Variants in RNLS observed in about 807,000 individuals in gnomAD.
RNLS encodes the protein renalase, FAD dependent amine oxidase, also known as renalase.
In RNLS, 39 loss-of-function variants were observed where a neutral mutation model predicts 39.8. The ratio of observed to expected loss-of-function variants is 0.98; its 90% CI spans 0.76 to 1.28. The LOEUF (loss-of-function observed/expected upper bound fraction) is 1.28. Ranked by LOEUF, RNLS falls within the 50% of genes most tolerant of loss-of-function variation. The pLI is 0.00. For synonymous variants in RNLS, 147 were observed against 150.7 expected, an observed-to-expected ratio of 0.98 and a Z score of 0.18; for missense variants, 410 against 413.3, an observed-to-expected ratio of 0.99 and a Z score of 0.07.
Position 88,583,268 on chromosome 10 carries a change from A to C in RNLS, c.-78T>G. On this transcript the variant is annotated 5_prime_UTR_variant, in exon 1 of 7. Transcript: ENST00000331772. ...CCGGGCTTTCTGGAAAGGCGGCCGA[A>C]CCGGCGCTAGCGCTCTTTGGTTCCG... The C allele has an allele frequency of 6.3e-7, 1 of 1,578,666 alleles. No homozygotes were observed. The highest frequency in any genetic ancestry group is 1.2e-5 in the South Asian group (1 of 86,592).
At chr10:88,444,448 G>A (rs549782353) in intron 4 of RNLS, among the ~76,000 whole-genome samples, 6 of 152,322 alleles carry the variant, frequency 3.9e-5, no homozygotes, top group African/African-American at 1.4e-4. Context: ...CTCCTCACCA[G>A]CAACAGAACA....
intron 6 of RNLS, among the ~76,000 whole-genome samples, chr10:88,293,331 C>T (rs78485719): frequency 0.02 from 3,044 of 152,286 alleles, 56 homozygotes; most frequent in South Asian, 0.068. Context: ...TTTCTCTACT[C>T]TGCTGCCATT....
intron 4 of RNLS, among the ~76,000 whole-genome samples, chr10:88,453,105 C>G (rs1031076414): frequency 1.3e-5 from 2 of 152,192 alleles, no homozygotes; most frequent in Non-Finnish European, 2.9e-5. Flanking sequence ...GCTCATCTCA[C>G]TAATCCACCT....
intron 4 of RNLS, among the ~76,000 whole-genome samples, chr10:88,379,926 C>G (rs530916620): frequency 1.1e-3 from 170 of 152,282 alleles, no homozygotes; most frequent in African/African-American, 3.5e-3. Flanking sequence ...TATCAGCCCC[C>G]CGCTGTCCAG....
chr10:88,218,347 T>C, the RNLS span, among the ~76,000 whole-genome samples: 7 of 152,252 alleles, frequency 4.6e-5, no homozygotes, highest in Non-Finnish European at 4.4e-5. Flanking sequence ...AGGCTAGGTC[T>C]CGGATGGTCT....
chr10:88,191,302 C>T, the RNLS span, among the ~76,000 whole-genome samples: 915 of 152,300 alleles, frequency 6.0e-3, 11 homozygotes, highest in African/African-American at 0.021. Flanking sequence ...TAAGGAATTA[C>T]AGCCTGTACT....
chr10:88,528,617 G>A (rs1035556418), intron 4 of RNLS, among the ~76,000 whole-genome samples: 6 of 151,952 alleles, frequency 3.9e-5, no homozygotes, highest in African/African-American at 1.2e-4. Flanking sequence ...AGGCCGAGGC[G>A]GGCGGATCAC....
At chr10:88,546,308 G>C (rs2134309409) in intron 4 of RNLS, among the ~76,000 whole-genome samples, 1 of 151,980 alleles carries the variant, frequency 6.6e-6, no homozygotes, top group East Asian at 1.9e-4. Flanking sequence ...AAATGTAAGA[G>C]TATTGTGGCA....
chr10:88,382,105 C>G (rs2133523504), intron 4 of RNLS, among the ~76,000 whole-genome samples: 1 of 152,202 alleles, frequency 6.6e-6, no homozygotes, highest in Admixed American at 6.5e-5. Context: ...GCTGGGTACA[C>G]TACAAATCAT....
At chr10:88,173,788 T>C in the RNLS span, among the ~76,000 whole-genome samples, 1 of 152,114 alleles carries the variant, frequency 6.6e-6, no homozygotes, top group Non-Finnish European at 1.5e-5. Flanking sequence ...ACCAAATTGG[T>C]CTTTTTTTAA....
chr10:88,249,921 A>G, the RNLS span, among the ~76,000 whole-genome samples: 1 of 152,168 alleles, frequency 6.6e-6, no homozygotes, highest in African/African-American at 2.4e-5. Flanking sequence ...GAGTGTCAAA[A>G]TTTCTGGGGT....
the RNLS span, among the ~76,000 whole-genome samples, chr10:88,173,678 C>A: frequency 6.6e-6 from 1 of 152,056 alleles, no homozygotes; most frequent in Non-Finnish European, 1.5e-5. Context: ...TTTTAGACTC[C>A]TTTTATGCAA....
At chr10:88,218,524 A>T in the RNLS span, among the ~76,000 whole-genome samples, 1 of 152,172 alleles carries the variant, frequency 6.6e-6, no homozygotes, top group Non-Finnish European at 1.5e-5. Flanking sequence ...ACTGGTGTCC[A>T]ATTTGTCCTT....
At chr10:88,204,222 G>A in the RNLS span, among the ~76,000 whole-genome samples, 1 of 152,104 alleles carries the variant, frequency 6.6e-6, no homozygotes, top group Non-Finnish European at 1.5e-5. Context: ...AGATCCTGGA[G>A]GGCAGGATCC....
intron 4 of RNLS, among the ~76,000 whole-genome samples, chr10:88,386,773 T>C (rs1027510554): frequency 1.3e-5 from 2 of 152,228 alleles, no homozygotes; most frequent in African/African-American, 2.4e-5. Flanking sequence ...AAATCACTGC[T>C]ATCTCAGGGT....
At chr10:88,451,668 T>G (rs1201000454) in intron 4 of RNLS, among the ~76,000 whole-genome samples, 1 of 152,194 alleles carries the variant, frequency 6.6e-6, no homozygotes, top group African/African-American at 2.4e-5. Context: ...GTTTCAGGGT[T>G]GGTGCTTCTG....
At chr10:88,221,155 G>A in the RNLS span, among the ~76,000 whole-genome samples, 6,293 of 152,176 alleles carry the variant, frequency 0.041, 197 homozygotes, top group East Asian at 0.12. Context: ...CTTGTCCCTC[G>A]GGGCTCACAT....
chr10:88,532,365 G>A (rs1189138195), intron 4 of RNLS, among the ~76,000 whole-genome samples: 1 of 151,908 alleles, frequency 6.6e-6, no homozygotes, highest in Non-Finnish European at 1.5e-5. Context: ...GCCTGATAAG[G>A]AATGCAAATA....
downstream of RNLS, among the ~76,000 whole-genome samples, chr10:88,281,982 GA>G (rs1332466480): frequency 2.0e-5 from 3 of 152,130 alleles, no homozygotes. Flanking sequence ...GAATCAGATG[GA>G]AAGGATGAAC....
Sources: allele counts gnomAD v4.1 joint callset (sites outside exome capture counted in the v4.1 genomes callset), GRCh38; gene constraint gnomAD v4.1.1; transcripts MANE v1.5; gene names NCBI Gene and HGNC (gene_info 2026-07-23, HGNC 2026-07-21).